The following TBC1D5 variants were observed in gnomAD, a reference collection of about 807,000 sequenced individuals.
TBC1D5 encodes the protein TBC1 domain family member 5.
Under a neutral mutation model 100.3 loss-of-function variants are expected in TBC1D5, and 75 were observed. The ratio of observed to expected loss-of-function variants is 0.75; its 90% confidence interval spans 0.62 to 0.91. The LOEUF (loss-of-function observed/expected upper bound fraction) is 0.91, where lower values mean the gene tolerates loss of function less well. Ranked by LOEUF, TBC1D5 falls within the 40% of genes least tolerant of loss-of-function variation. The probability of loss-of-function intolerance (pLI) is 0.00; values close to 1 mark genes in which losing one functional copy is unlikely to be tolerated. For missense variants in TBC1D5, 910 were observed against 942.4 expected (o/e 0.97, Z 0.45); for synonymous variants, 323 against 325.6 (o/e 0.99, Z 0.09).
At chr3:17,693,884 G>T (rs921561338) in intron 1 of TBC1D5, among the ~76,000 whole-genome samples, 1 of 152,190 alleles carries the variant, frequency 6.6e-6, no homozygotes, top group African/African-American at 2.4e-5. Context: ...AGCTTCCAGA[G>T]GAAGGATCAG....
intron 1 of TBC1D5, among the ~76,000 whole-genome samples, chr3:17,720,268 A>T (rs1029649967): frequency 6.6e-6 from 1 of 152,224 alleles, no homozygotes; most frequent in Non-Finnish European, 1.5e-5. Context: ...AAAAGCTACA[A>T]ATGTAACACA....
chr3:17,350,334 A>G (rs1230671554), intron 13 of TBC1D5, among the ~76,000 whole-genome samples: 2 of 152,184 alleles, frequency 1.3e-5, no homozygotes, highest in African/African-American at 4.8e-5. Flanking sequence ...ACAAAGAATA[A>G]AAGTGATAGC....
At chr3:17,636,883 T>C (rs1042324118) in intron 1 of TBC1D5, among the ~76,000 whole-genome samples, 15 of 152,192 alleles carry the variant, frequency 9.9e-5, no homozygotes, top group Admixed American at 4.6e-4. Context: ...AGTGACCTAC[T>C]CAAGGATATG....
intron 3 of TBC1D5, among the ~76,000 whole-genome samples, chr3:17,440,586 C>A (rs1237013394): frequency 6.6e-6 from 1 of 152,164 alleles, no homozygotes; most frequent in African/African-American, 2.4e-5. Flanking sequence ...CACTGCACTG[C>A]AGCTTGGGTG....
At chr3:17,375,458 T>C (rs2092670737) in intron 10 of TBC1D5, among the ~76,000 whole-genome samples, 1 of 151,868 alleles carries the variant, frequency 6.6e-6, no homozygotes, top group Non-Finnish European at 1.5e-5. Context: ...TCTCAGCTAC[T>C]CGGGAGTCTG....
In TBC1D5 at chr3:17,517,341, C is replaced by T. The variant is rs532519961; in HGVS notation, c.-35-8736G>A. Reference sequence around the variant, plus strand: ...GAACTAAAAGGTTAGTTCATAAACACACTCGTATGGTGGGTGAGAACTGTC... The same window carrying T: ...GAACTAAAAGGTTAGTTCATAAACATACTCGTATGGTGGGTGAGAACTGTC... On this transcript the variant is annotated intron_variant, in intron 2 of 21. Transcript: ENST00000253692. Among the ~76,000 whole-genome samples, 11 of 152,348 alleles carry T rather than the reference C, an allele frequency of 7.2e-5. No homozygotes were observed. In the East Asian group the frequency reaches 2.1e-3, roughly 29 times the overall value.
At chr3:17,533,183 T>C (rs143158495) in intron 2 of TBC1D5, among the ~76,000 whole-genome samples, 26 of 152,132 alleles carry the variant, frequency 1.7e-4, no homozygotes, top group Admixed American at 6.5e-4. Context: ...TTTTCTACAA[T>C]CCAATAATCC....
chr3:17,732,305 G>T (rs28538955), intron 1 of TBC1D5, among the ~76,000 whole-genome samples: 116 of 151,994 alleles, frequency 7.6e-4, no homozygotes, highest in African/African-American at 2.7e-3. Context: ...GCAACAGAGC[G>T]AGACTCCATC....
At chr3:17,208,060 G>A (rs1362769917) in intron 18 of TBC1D5, among the ~76,000 whole-genome samples, 4 of 152,186 alleles carry the variant, frequency 2.6e-5, no homozygotes, top group African/African-American at 7.2e-5. Context: ...TTGAGGATAT[G>A]GAATATCGCT....
chr3:17,578,758 CTT>C (rs1287740214), intron 2 of TBC1D5, among the ~76,000 whole-genome samples: 1 of 151,872 alleles, frequency 6.6e-6, no homozygotes, highest in African/African-American at 2.4e-5. Context: ...GAAATAATGA[CTT>C]ATTTCAGTAA....
rs577551962 is a variant in TBC1D5, at chr3:17,713,356, C to A, written c.-101+25987G>T. 3.3e-5 allele frequency among the ~76,000 whole-genome samples: 5 copies of A among 152,030 alleles called. No homozygotes were observed. The East Asian group carries it at 9.7e-4, about 29-fold the overall frequency. On this transcript the variant is annotated intron_variant, in intron 1 of 21. Coordinates refer to ENST00000253692, the Ensembl canonical transcript of TBC1D5. ...TCCAGGGTTCACGCCATTCTCCTGC[C>A]TCAGCCTCCCAAGTAGCTGGGACTA...
chr3:17,486,269 T>G (rs1228455503), intron 3 of TBC1D5, among the ~76,000 whole-genome samples: 3 of 152,154 alleles, frequency 2.0e-5, no homozygotes, highest in Admixed American at 2.0e-4. Context: ...TTGCGAAAAT[T>G]TTCTCCCATT....
intron 3 of TBC1D5, among the ~76,000 whole-genome samples, chr3:17,458,609 C>G (rs1410747445): frequency 6.6e-6 from 1 of 152,086 alleles, no homozygotes; most frequent in African/African-American, 2.4e-5. Flanking sequence ...CCAGGTAAGT[C>G]AGTACTTGTA....
intron 3 of TBC1D5, among the ~76,000 whole-genome samples, chr3:17,493,686 T>A (rs949750076): frequency 2.0e-5 from 3 of 152,204 alleles, no homozygotes; most frequent in African/African-American, 7.2e-5. Context: ...GTCTTCAAAG[T>A]CTGATATCCT....
intron 14 of TBC1D5, among the ~76,000 whole-genome samples, chr3:17,301,297 G>C (rs1295519452): frequency 6.6e-6 from 1 of 152,150 alleles, no homozygotes; most frequent in East Asian, 1.9e-4. Context: ...ACAAAAAATA[G>C]ATGTGAAAAT....
At chr3:17,392,408 A>C (rs113290383) in intron 8 of TBC1D5, among the ~76,000 whole-genome samples, 7 of 152,154 alleles carry the variant, frequency 4.6e-5, no homozygotes, top group African/African-American at 1.7e-4. Context: ...GGAAACGTGT[A>C]GAATGTGCAG....
intron 17 of TBC1D5, among the ~76,000 whole-genome samples, chr3:17,221,822 G>A (rs1235401837): frequency 6.6e-6 from 1 of 152,190 alleles, no homozygotes; most frequent in African/African-American, 2.4e-5. Flanking sequence ...TTGACCTAGA[G>A]AAATGTTAAA....
At chr3:17,615,636 T>C (rs906948653) in intron 2 of TBC1D5, among the ~76,000 whole-genome samples, 2 of 152,246 alleles carry the variant, frequency 1.3e-5, no homozygotes, top group Non-Finnish European at 2.9e-5. Context: ...TGTCCAGGAA[T>C]TCATCCATTT....
At chr3:17,317,736 C>T (rs1390951964) in intron 13 of TBC1D5, among the ~76,000 whole-genome samples, 3 of 152,092 alleles carry the variant, frequency 2.0e-5, no homozygotes, top group African/African-American at 7.2e-5. Flanking sequence ...AAATACCATG[C>T]ATTTATATCA....
Sources: gnomAD v4.1 joint callset for allele counts (sites outside exome capture counted in the v4.1 genomes callset) on GRCh38, gnomAD v4.1.1 for gene constraint, MANE v1.5 for transcripts, NCBI Gene and HGNC (gene_info 2026-07-23, HGNC 2026-07-21) for gene names.